The following MROH9 variants were observed in gnomAD, a reference collection of about 807,000 sequenced individuals.
MROH9 encodes the protein maestro heat like repeat family member 9, also known as maestro heat-like repeat-containing protein family member 9.
A neutral mutation model predicts 98.2 loss-of-function variants in MROH9; 92 were observed. That is an observed-to-expected ratio of 0.94 (90% CI 0.79 to 1.11). The LOEUF is 1.11. Ranked by LOEUF, MROH9 falls within the 50% of genes most tolerant of loss-of-function variation. The pLI is 0.00. For synonymous variants in MROH9, 397 were observed against 368.9 expected, an observed-to-expected ratio of 1.08 and a Z score of -0.87; for missense variants, 1,057 against 1,014.8, an observed-to-expected ratio of 1.04 and a Z score of -0.57.
Position 170,958,549 on chromosome 1 carries a change from A to C in MROH9, c.152+9A>C, listed in dbSNP as rs1649878652. ...CTGGCTGTGAACTCCAGGTATGATA[A>C]GCTATCATGCTCTTTTATTTCACTA... On this transcript the variant is annotated intron_variant, in intron 4 of 21. Transcript: ENST00000367759. 1 of 1,552,534 alleles carries C rather than the reference A, an allele frequency of 6.4e-7. No individual in the cohort carries two copies. Among genetic ancestry groups the C allele is most frequent in the Non-Finnish European group, 8.8e-7 (1 of 1,133,974 alleles).
intron 3 of MROH9, among the ~76,000 whole-genome samples, chr1:170,956,438 C>G (rs1403374954): frequency 6.6e-6 from 1 of 152,044 alleles, no homozygotes; most frequent in Non-Finnish European, 1.5e-5. Context: ...TGATTCTACC[C>G]ATCCATGAGC....
chr1:171,039,568 C>T (rs1487584090), intron 20 of MROH9, among the ~76,000 whole-genome samples: 2 of 152,088 alleles, frequency 1.3e-5, no homozygotes, highest in Non-Finnish European at 2.9e-5. Context: ...ATCATTAGCC[C>T]ATATCATAGA....
chr1:171,055,056 C>T (rs1454308970), intron 20 of MROH9, among the ~76,000 whole-genome samples: 1 of 150,426 alleles, frequency 6.6e-6, no homozygotes, highest in African/African-American at 2.4e-5. Context: ...AAGACACTTG[C>T]ACACGCATGT....
Position 170,986,787 on chromosome 1 carries a change from C to G in MROH9, c.879+77C>G, listed in dbSNP as rs750521415. 2.8e-6 allele frequency: 4 copies of G among 1,415,460 alleles called. No homozygotes were observed. The African/African-American group carries it at 5.7e-5, about 20-fold the overall frequency. 87.7% of individuals were successfully genotyped at this position (1,415,460 alleles called of 1,614,324 possible). ...CATTTTTGCCTGTGTTGTATGTCCA[C>G]TTCTTTTTATATGTATTTCTTGTCA... On this transcript the variant is annotated intron_variant, in intron 10 of 21. Coordinates refer to ENST00000367759, the MANE Select transcript of MROH9 (RefSeq NM_001163629.2).
chr1:170,937,234 G>T (rs948834701), intron 1 of MROH9, among the ~76,000 whole-genome samples: 1 of 152,140 alleles, frequency 6.6e-6, no homozygotes, highest in African/African-American at 2.4e-5. Flanking sequence ...AACTGAAAAT[G>T]CACTAAACCC....
In MROH9 at chr1:170,941,827, G is replaced by A. The variant is rs1649132172; in HGVS notation, c.-37-3693G>A. Among the ~76,000 whole-genome samples the A allele has an allele frequency of 2.6e-5, 4 of 152,056 alleles. No individual in the cohort carries two copies. In the South Asian group the frequency reaches 8.3e-4, roughly 32 times the overall value. ...GTCTTCTGGACACTCCCGGCGTGAG[G>A]GACTAGGTCTTAAATGACAAATTCA... On this transcript the variant is annotated intron_variant, in intron 1 of 21. Transcript: ENST00000367759.
At chr1:170,952,039 A>T (rs1309265496) in intron 3 of MROH9, among the ~76,000 whole-genome samples, 2 of 152,068 alleles carry the variant, frequency 1.3e-5, no homozygotes, top group Non-Finnish European at 2.9e-5. Flanking sequence ...GCAAATCAAA[A>T]CCATAATGAG....
intron 17 of MROH9, among the ~76,000 whole-genome samples, chr1:171,020,824 G>A (rs1317012500): frequency 6.6e-6 from 1 of 152,088 alleles, no homozygotes; most frequent in Non-Finnish European, 1.5e-5. Flanking sequence ...AAGTCAAATT[G>A]TCTCTGTTTG....
chr1:170,992,414 C>G, intron 12 of MROH9, 85 bp downstream of exon 12: 6 of 1,395,804 alleles, frequency 4.3e-6, no homozygotes, highest in Non-Finnish European at 5.9e-6. Context: ...CTCAATCATA[C>G]TTTCTTAACA....
chr1:170,968,306 G>A (rs1650309168), intron 7 of MROH9, among the ~76,000 whole-genome samples: 1 of 152,146 alleles, frequency 6.6e-6, no homozygotes, highest in Non-Finnish European at 1.5e-5. Flanking sequence ...GACACACATT[G>A]GCAGACAGAA....
At chr1:170,993,386 A>G (rs1278073844) in intron 12 of MROH9, among the ~76,000 whole-genome samples, 1 of 152,198 alleles carries the variant, frequency 6.6e-6, no homozygotes, top group Non-Finnish European at 1.5e-5. Context: ...AGCTTTTGAT[A>G]AATTAAAGCC....
intron 20 of MROH9, among the ~76,000 whole-genome samples, chr1:171,031,496 A>G (rs1652911054): frequency 1.3e-5 from 2 of 151,974 alleles, no homozygotes; most frequent in African/African-American, 4.8e-5. Flanking sequence ...AAATCCCTCA[A>G]CATTTGTCTT....
chr1:170,954,034 A>G (rs1271493065), intron 3 of MROH9, among the ~76,000 whole-genome samples: 1 of 152,200 alleles, frequency 6.6e-6, no homozygotes, highest in East Asian at 1.9e-4. Context: ...ATCCGTTATG[A>G]CTGATGAAAA....
chr1:170,946,337 A>G (rs1029974785), intron 2 of MROH9, among the ~76,000 whole-genome samples: 5 of 152,172 alleles, frequency 3.3e-5, no homozygotes, highest in Admixed American at 2.6e-4. Context: ...ATACCTAACC[A>G]GTGCTCTTCA....
chr1:170,969,595 G>T (rs1650361820), intron 7 of MROH9, among the ~76,000 whole-genome samples: 1 of 151,930 alleles, frequency 6.6e-6, no homozygotes, highest in South Asian at 2.1e-4. Flanking sequence ...TAGAAACAGG[G>T]GAGACTTCCA....
chr1:170,972,827 A>ATAC (rs1491482500), intron 8 of MROH9, among the ~76,000 whole-genome samples: 44 of 99,428 alleles, frequency 4.4e-4, no homozygotes, highest in African/African-American at 1.7e-3. Context: ...AAAAAAAAAA[A>ATAC]ATACACACAC....
chr1:171,061,632 G>T (rs1393069145), intron 20 of MROH9, among the ~76,000 whole-genome samples: 1 of 152,128 alleles, frequency 6.6e-6, no homozygotes, highest in Non-Finnish European at 1.5e-5. Flanking sequence ...AACAACCATA[G>T]ATATGTAAAC....
At chr1:170,957,383 G>C (rs1649805637) in intron 3 of MROH9, among the ~76,000 whole-genome samples, 3 of 152,092 alleles carry the variant, frequency 2.0e-5, no homozygotes, top group Non-Finnish European at 4.4e-5. Flanking sequence ...TCATTTATTT[G>C]CTTATGGACA....
Position 170,965,234 on chromosome 1 carries a change from A to C in MROH9, c.459A>C (p.Thr153=). The C allele has an allele frequency of 6.2e-7, 1 of 1,609,416 alleles. No homozygotes were observed. The change falls in exon 7 of 22, where the codon ACA becomes ACC. Residue 153 remains threonine (T), a synonymous_variant. Coordinates refer to ENST00000367759, the MANE Select transcript of MROH9 (RefSeq NM_001163629.2). ...TCATCAACAAGGTGTTAAGATTTAC[A>C]GTCACAAAAGTCAGAAAATACGTAA... is the stretch of plus-strand genomic sequence containing the variant. ...MVIINKVLRF[T]VTKVRKYISV...
Sources: gnomAD v4.1 joint callset for allele counts (sites outside exome capture counted in the v4.1 genomes callset) on GRCh38, gnomAD v4.1.1 for gene constraint, MANE v1.5 for transcripts, NCBI Gene and HGNC (gene_info 2026-07-23, HGNC 2026-07-21) for gene names.